MAGI2: variants seen among roughly 807,000 people sequenced by gnomAD.
MAGI2 encodes the protein membrane-associated guanylate kinase, WW and PDZ domain-containing protein 2.
A neutral mutation model predicts 133.3 loss-of-function variants in MAGI2; 35 were observed. The observed-to-expected ratio is 0.26, with a 90% CI of 0.20 to 0.35. The LOEUF (loss-of-function observed/expected upper bound fraction) is 0.35, where lower values mean the gene tolerates loss of function less well. MAGI2 is among the 10% of genes least tolerant of loss of function. The pLI is 1.00. For synonymous variants in MAGI2, 729 were observed against 710.6 expected (o/e 1.03, Z -0.41); for missense variants, 1,636 against 1,863.4 (o/e 0.88, Z 2.25).
At chr7:79,243,234 C>G (rs1832562152) in intron 1 of MAGI2, among the ~76,000 whole-genome samples, 1 of 145,674 alleles carries the variant, frequency 6.9e-6, no homozygotes, top group Non-Finnish European at 1.5e-5. Flanking sequence ...TACACATTAC[C>G]AATAGACGTA....
At chr7:79,364,738 A>C (rs1489179279) in intron 1 of MAGI2, among the ~76,000 whole-genome samples, 1 of 152,072 alleles carries the variant, frequency 6.6e-6, no homozygotes, top group Non-Finnish European at 1.5e-5. Context: ...TGGCAAAAAA[A>C]CTGATGTGAA....
At chr7:78,922,152 T>C (rs1022242849) in intron 2 of MAGI2, among the ~76,000 whole-genome samples, 8 of 84,968 alleles carry the variant, frequency 9.4e-5, no homozygotes, top group South Asian at 7.9e-4. Context: ...TTTCTTTATT[T>C]TTTATTTTTT....
At chr7:79,177,423 G>T (rs1332789661) in intron 1 of MAGI2, among the ~76,000 whole-genome samples, 1 of 151,810 alleles carries the variant, frequency 6.6e-6, no homozygotes, top group African/African-American at 2.4e-5. Context: ...TATGAATTAT[G>T]GTAGATAATG....
rs562650122 is a variant in MAGI2, at chr7:78,150,485, T to A, written c.2845+9540A>T. On this transcript the variant is annotated intron_variant, in intron 16 of 21. Coordinates refer to ENST00000354212, the MANE Select transcript of MAGI2 (RefSeq NM_012301.4). ...TCTTTTGCAAAAGTGCCCTGCGGGC[T>A]CTGAATTTACTTGAACCTAATGTGG... is the stretch of plus-strand genomic sequence containing the variant. 3.1e-3 allele frequency among the ~76,000 whole-genome samples: 476 copies of A among 152,346 alleles called. 1 individual carries two copies. The highest frequency in any genetic ancestry group is 0.011 in the African/African-American group (459 of 41,576).
intron 2 of MAGI2, among the ~76,000 whole-genome samples, chr7:78,817,870 C>T (rs924405751): frequency 2.6e-5 from 4 of 152,010 alleles, no homozygotes; most frequent in African/African-American, 4.8e-5. Context: ...CCACCATGCC[C>T]GGCTATTTCT....
chr7:79,274,069 A>G (rs970116443), intron 1 of MAGI2, among the ~76,000 whole-genome samples: 1 of 152,148 alleles, frequency 6.6e-6, no homozygotes, highest in African/African-American at 2.4e-5. Flanking sequence ...TACCAAAGTT[A>G]GCCAACAAAA....
At position 78,764,219 on chromosome 7, in the gene MAGI2, T is replaced by G. The variant is rs530922258; in HGVS notation, c.419-136980A>C. 2.2e-3 allele frequency among the ~76,000 whole-genome samples: 336 copies of G among 152,302 alleles called. 6 individuals carry two copies. Among genetic ancestry groups the G allele is most frequent in the Non-Finnish European group, 1.6e-3 (112 of 68,028 alleles). On this transcript the variant is annotated intron_variant, in intron 2 of 21. Transcript: ENST00000354212. ...AACATGAGCCACAAGAGAGCTATACTGGGCACTTTCAATAAACCTCAATTA... is the reference window on the plus strand; with the variant it reads ...AACATGAGCCACAAGAGAGCTATACGGGGCACTTTCAATAAACCTCAATTA...
At chr7:78,635,359 A>G (rs975527643) in intron 2 of MAGI2, among the ~76,000 whole-genome samples, 3 of 152,190 alleles carry the variant, frequency 2.0e-5, no homozygotes, top group Admixed American at 6.5e-5. Flanking sequence ...GCTTTCTGCT[A>G]TTTCCTAGTT....
chr7:78,295,153 C>A (rs890677652), intron 9 of MAGI2, among the ~76,000 whole-genome samples: 3 of 152,086 alleles, frequency 2.0e-5, no homozygotes, highest in Non-Finnish European at 4.4e-5. Flanking sequence ...GTATAACTGA[C>A]TATAATTTTT....
intron 6 of MAGI2, among the ~76,000 whole-genome samples, chr7:78,411,247 C>T (rs1583968001): frequency 6.6e-6 from 1 of 151,984 alleles, no homozygotes; most frequent in East Asian, 1.9e-4. Flanking sequence ...CTTCACAACA[C>T]AGCATTTCAC....
At chr7:78,448,298 C>T (rs555161253) in intron 6 of MAGI2, among the ~76,000 whole-genome samples, 1 of 151,946 alleles carries the variant, frequency 6.6e-6, no homozygotes, top group East Asian at 1.9e-4. Context: ...ACCCAGTAGT[C>T]GAATTGCTGG....
chr7:78,275,249 G>GC (rs570932066), intron 9 of MAGI2, among the ~76,000 whole-genome samples: 339 of 152,320 alleles, frequency 2.2e-3, no homozygotes, highest in Admixed American at 6.4e-3. Flanking sequence ...TCCCCACCCT[G>GC]CTTTGGCTTG....
chr7:78,521,539 C>T lies in MAGI2; in HGVS notation c.645G>A (p.Arg215=), dbSNP rs1326266430. ...PGATPSAEGK[R]KRNKSVSNME... ...TGTTGCTCACTGATTTATTCCTCTT[C>T]CGTTTTCCTTCAGCACTTGGAGTGG... Residue 215 remains arginine (R), a synonymous_variant, in exon 4 of 22, where the codon CGG becomes CGA. Transcript: ENST00000354212. 28 of 1,614,028 alleles carry T rather than the reference C, an allele frequency of 1.7e-5. No homozygotes were observed. Among genetic ancestry groups the T allele is most frequent in the African/African-American group, 2.7e-5 (2 of 74,928 alleles).
intron 3 of MAGI2, among the ~76,000 whole-genome samples, chr7:78,549,545 T>C (rs1388414389): frequency 6.6e-6 from 1 of 152,114 alleles, no homozygotes; most frequent in African/African-American, 2.4e-5. Flanking sequence ...CCTACTGAGA[T>C]GGCTCATAGT....
intron 1 of MAGI2, among the ~76,000 whole-genome samples, chr7:79,269,767 T>A (rs974826605): frequency 6.6e-6 from 1 of 152,130 alleles, no homozygotes; most frequent in Non-Finnish European, 1.5e-5. Flanking sequence ...AGAAATTTAG[T>A]TTATAGTTTA....
intron 2 of MAGI2, among the ~76,000 whole-genome samples, chr7:78,849,970 A>C (rs1214886651): frequency 6.6e-6 from 1 of 152,054 alleles, no homozygotes; most frequent in Non-Finnish European, 1.5e-5. Flanking sequence ...CAGATTACCA[A>C]ATTAATATTT....
At chr7:79,099,676 T>G (rs956960551) in intron 1 of MAGI2, among the ~76,000 whole-genome samples, 1 of 152,070 alleles carries the variant, frequency 6.6e-6, no homozygotes, top group South Asian at 2.1e-4. Flanking sequence ...CCCTCTTTTT[T>G]CCATGTGTAC....
intron 2 of MAGI2, among the ~76,000 whole-genome samples, chr7:78,856,685 T>G (rs1793668241): frequency 6.6e-6 from 1 of 152,204 alleles, no homozygotes; most frequent in Admixed American, 6.5e-5. Flanking sequence ...TCAGGTAGCA[T>G]GATGCCTCCA....
At chr7:78,052,302 C>T (rs983879238) in intron 21 of MAGI2, among the ~76,000 whole-genome samples, 5 of 152,140 alleles carry the variant, frequency 3.3e-5, no homozygotes, top group African/African-American at 9.7e-5. Context: ...ACTGAGTTCT[C>T]CTTCTTGGTT....
Sources: gnomAD v4.1 joint callset for allele counts (sites outside exome capture counted in the v4.1 genomes callset) on GRCh38, gnomAD v4.1.1 for gene constraint, MANE v1.5 for transcripts, NCBI Gene and HGNC (gene_info 2026-07-23, HGNC 2026-07-21) for gene names.